The following PIK3C3 variants were observed in gnomAD, a reference collection of about 807,000 sequenced individuals.
PIK3C3 encodes the protein PI3-kinase type 3.
A neutral mutation model predicts 126.1 loss-of-function variants in PIK3C3; 95 were observed. The observed-to-expected ratio is 0.75, with a 90% CI of 0.64 to 0.89. The LOEUF is 0.89. Among genes scored for constraint, PIK3C3 ranks in the 40% least tolerant of loss-of-function variants. PIK3C3 has a pLI of 0.00. For missense variants in PIK3C3, 829 were observed against 1,063.2 expected, an observed-to-expected ratio of 0.78 and a Z score of 3.06; for synonymous variants, 374 against 360.0, an observed-to-expected ratio of 1.04 and a Z score of -0.44.
chr18:42,073,239 G>A (rs186582143), intron 24 of PIK3C3, among the ~76,000 whole-genome samples: 1 of 152,300 alleles, frequency 6.6e-6, no homozygotes, highest in East Asian at 1.9e-4. Flanking sequence ...CACTTGCAGT[G>A]TTCAAGGAGG....
rs1986237652 is a variant in PIK3C3, at chr18:42,081,212, C to G, written c.*75C>G. The G allele has an allele frequency of 2.2e-6, 2 of 893,204 alleles. No homozygotes were observed. The highest frequency in any genetic ancestry group is 5.0e-5 in the East Asian group (2 of 40,006). The allele number at this position is 893,204 out of a possible 1,614,324, so 55.3% of individuals were successfully genotyped here. Reference sequence around the variant, plus strand: ...AGGAGCAACCTTTGTATATTGGAGACTTCAGAGTAACCAGCAAGGAAGAGA... The same window carrying G: ...AGGAGCAACCTTTGTATATTGGAGAGTTCAGAGTAACCAGCAAGGAAGAGA... On this transcript the variant is annotated 3_prime_UTR_variant, in exon 25 of 25. Coordinates refer to ENST00000262039, the MANE Select transcript of PIK3C3 (RefSeq NM_002647.4).
At chr18:42,045,337 T>G (rs1159803702) in intron 20 of PIK3C3, among the ~76,000 whole-genome samples, 1 of 152,224 alleles carries the variant, frequency 6.6e-6, no homozygotes, top group East Asian at 1.9e-4. Context: ...TTGTTTCTCT[T>G]CTTTATTTTG....
chr18:42,049,698 G>T (rs953490565), intron 21 of PIK3C3, 93 bp downstream of exon 21: 21 of 1,038,778 alleles, frequency 2.0e-5, no homozygotes, highest in African/African-American at 1.6e-4. Flanking sequence ...TTGCGGCCTG[G>T]CGCGGTGGCT....
chr18:42,054,720 G>A (rs974533085), intron 21 of PIK3C3, among the ~76,000 whole-genome samples: 5 of 151,984 alleles, frequency 3.3e-5, no homozygotes, highest in Non-Finnish European at 4.4e-5. Flanking sequence ...CCCCCATTGG[G>A]TGACTTTGGG....
At chr18:41,967,849 A>T (rs1168725068) in intron 3 of PIK3C3, among the ~76,000 whole-genome samples, 1 of 152,162 alleles carries the variant, frequency 6.6e-6, no homozygotes, top group East Asian at 1.9e-4. Context: ...GTGGCTTGGC[A>T]CTGCAAGCTG....
chr18:42,013,368 T>C, intron 10 of PIK3C3, 74 bp from the exon 11 acceptor site: 1 of 878,760 alleles, frequency 1.1e-6, no homozygotes, highest in Non-Finnish European at 1.7e-6. Flanking sequence ...TTACTTGATA[T>C]TTAGGAATAA....
intron 21 of PIK3C3, chr18:42,057,619 A>G: frequency 2.8e-6 from 1 of 356,308 alleles, no homozygotes; most frequent in South Asian, 3.5e-5. Context: ...AGACTTATAA[A>G]TAGGATTTAA....
intron 12 of PIK3C3, among the ~76,000 whole-genome samples, chr18:42,018,674 A>T (rs1035972442): frequency 1.3e-5 from 2 of 152,068 alleles, no homozygotes; most frequent in African/African-American, 4.8e-5. Context: ...AAAAGTTCTA[A>T]TCTGTTGATC....
intron 4 of PIK3C3, among the ~76,000 whole-genome samples, chr18:41,985,805 A>G (rs1157189860): frequency 6.6e-6 from 1 of 152,154 alleles, no homozygotes; most frequent in East Asian, 1.9e-4. Flanking sequence ...AAAGCTAATC[A>G]TATGCTATAT....
intron 10 of PIK3C3, 47 bp downstream of exon 10, chr18:42,004,588 G>C (rs762746912): frequency 7.0e-7 from 1 of 1,421,344 alleles, no homozygotes; most frequent in South Asian, 1.3e-5. Flanking sequence ...TTTTAAACTA[G>C]AGCCTAATTA....
chr18:42,076,145 C>CACATATATATATATATATAT (rs1232530841), intron 24 of PIK3C3, among the ~76,000 whole-genome samples: 9 of 26,230 alleles, frequency 3.4e-4, no homozygotes, highest in East Asian at 1.9e-3. Flanking sequence ...TATATATATG[C>CACATATATATATATATATAT]GCATATATAT....
rs1484761107 is a variant in PIK3C3 at position 42,081,891 on chromosome 18, A to C, written c.*754A>C. ...GAGCATAAGATATTTTTACATATTC[A>C]TGTAAGACAATGTAAATTGTCTTTC... On this transcript the variant is annotated 3_prime_UTR_variant, in exon 25 of 25. Coordinates refer to ENST00000262039, the MANE Select transcript of PIK3C3 (RefSeq NM_002647.4). The C allele has an allele frequency of 6.6e-6, 1 of 152,324 alleles. No individual in the cohort carries two copies. The highest frequency in any genetic ancestry group is 2.1e-4 in the South Asian group (1 of 4,828). 9.4% of individuals were successfully genotyped at this position (152,324 alleles called of 1,614,324 possible).
At chr18:42,076,099 TATATATATATATATATATATATGCGC>T (rs1184136479) in intron 24 of PIK3C3, among the ~76,000 whole-genome samples, 4 of 74,904 alleles carry the variant, frequency 5.3e-5, no homozygotes, top group African/African-American at 1.4e-4. Flanking sequence ...CATATATATA[TATATATATATATATATATATATGCGC>T]ATATATATAT....
intron 22 of PIK3C3, among the ~76,000 whole-genome samples, chr18:42,059,338 CTCTTTAGATTTGTTTGG>C (rs1195905661): frequency 6.6e-6 from 1 of 152,090 alleles, no homozygotes; most frequent in African/African-American, 2.4e-5. Flanking sequence ...AAAATCAGTG[CTCTTTAGATTTGTTTGG>C]TGATGCAGAA....
intron 13 of PIK3C3, among the ~76,000 whole-genome samples, chr18:42,021,425 A>G (rs1337120361): frequency 1.3e-5 from 2 of 152,184 alleles, no homozygotes; most frequent in Admixed American, 1.3e-4. Context: ...AGCCACAATC[A>G]GAAATATTTT....
intron 12 of PIK3C3, 119 bp downstream of exon 12, chr18:42,015,685 A>T (rs185636119): frequency 5.6e-6 from 4 of 716,658 alleles, no homozygotes; most frequent in African/African-American, 5.4e-5. Context: ...TTATTAAATA[A>T]CTTACTTTAT....
chr18:41,995,233 A>G (rs565905025), intron 7 of PIK3C3, among the ~76,000 whole-genome samples: 2 of 152,282 alleles, frequency 1.3e-5, no homozygotes, highest in Non-Finnish European at 2.9e-5. Flanking sequence ...TACATTACAG[A>G]TATATTAAGG....
Position 41,993,324 on chromosome 18 carries a change from G to C in PIK3C3, c.769G>C (p.Asp257His). 6.2e-7 allele frequency: 1 copy of C among 1,607,436 alleles called. No individual in the cohort carries two copies. The highest frequency in any genetic ancestry group is 8.5e-7 in the Non-Finnish European group (1 of 1,174,742). ...AAGTTTTGAATTAGTGAAAGTTCCT[G>C]ACCCCCAGATGTCTATGGTAAGTTA... Reference protein sequence around the residue: ...LTSFELVKVPDPQMSMENLVE... With the variant: ...LTSFELVKVPHPQMSMENLVE... Residue 257 changes from aspartate (D) to histidine (H), a missense_variant, in exon 7 of 25, where the codon GAC (aspartate) becomes CAC (histidine). Coordinates refer to ENST00000262039, the MANE Select transcript of PIK3C3 (RefSeq NM_002647.4).
intron 19 of PIK3C3, among the ~76,000 whole-genome samples, chr18:42,041,385 C>G (rs1440426748): frequency 6.6e-6 from 1 of 151,644 alleles, no homozygotes; most frequent in East Asian, 1.9e-4. Context: ...GTCTTTTGTA[C>G]AATTATTTAA....
Sources: allele counts gnomAD v4.1 joint callset (sites outside exome capture counted in the v4.1 genomes callset), GRCh38; gene constraint gnomAD v4.1.1; transcripts MANE v1.5; gene names NCBI Gene and HGNC (gene_info 2026-07-23, HGNC 2026-07-21).